The following CCDC7 variants were observed in gnomAD, a reference collection of about 807,000 sequenced individuals.
CCDC7 encodes coiled-coil domain containing 7, also known as coiled-coil domain-containing protein 7.
A neutral mutation model predicts 196.9 loss-of-function variants in CCDC7; 183 were observed. That is an observed-to-expected ratio of 0.93 (90% CI 0.82 to 1.05). CCDC7 has a LOEUF of 1.05. Ranked by LOEUF, CCDC7 falls within the 50% of genes least tolerant of loss-of-function variation. The pLI is 0.00. For missense variants in CCDC7, 1,540 were observed against 1,482.2 expected (o/e 1.04, Z -0.64); for synonymous variants, 525 against 484.6 (o/e 1.08, Z -1.10).
chr10:32,674,230 CT>C (rs1457599999), intron 21 of CCDC7, among the ~76,000 whole-genome samples: 2 of 151,356 alleles, frequency 1.3e-5, no homozygotes, highest in African/African-American at 4.9e-5. Flanking sequence ...ATCAACTTTC[CT>C]TATGGTACTG....
intron 5 of CCDC7, 74 bp downstream of exon 6, chr10:32,463,123 A>G: frequency 6.4e-7 from 1 of 1,566,512 alleles, no homozygotes; most frequent in African/African-American, 1.4e-5. Flanking sequence ...ATTATGTATA[A>G]GTTAAGTATG....
chr10:32,737,176 T>G (rs2085003032), intron 28 of CCDC7, among the ~76,000 whole-genome samples: 1 of 152,186 alleles, frequency 6.6e-6, no homozygotes. Context: ...TTTTTGAATA[T>G]TGCATGAATG....
intron 29 of CCDC7, among the ~76,000 whole-genome samples, chr10:32,780,063 C>A (rs980633097): frequency 9.2e-5 from 14 of 152,100 alleles, no homozygotes; most frequent in African/African-American, 3.4e-4. Flanking sequence ...ATGGTGAAAC[C>A]CCGTCTCTAC....
intron 21 of CCDC7, among the ~76,000 whole-genome samples, chr10:32,677,529 C>A (rs1197303783): frequency 4.6e-5 from 7 of 151,820 alleles, no homozygotes; most frequent in Admixed American, 2.0e-4. Context: ...TCATTCAGTA[C>A]TTTGAATATA....
At chr10:32,758,292 A>C (rs2076821529) in intron 28 of CCDC7, among the ~76,000 whole-genome samples, 1 of 152,192 alleles carries the variant, frequency 6.6e-6, no homozygotes, top group African/African-American at 2.4e-5. Flanking sequence ...GCAGAGACAC[A>C]ACAAAAAAAG....
intron 21 of CCDC7, among the ~76,000 whole-genome samples, chr10:32,666,290 A>G (rs966111573): frequency 6.6e-6 from 1 of 151,824 alleles, no homozygotes; most frequent in African/African-American, 2.4e-5. Flanking sequence ...CATTTACTGA[A>G]TTACTAATAA....
chr10:32,505,674 C>T (rs546275120), intron 9 of CCDC7, among the ~76,000 whole-genome samples: 13 of 152,180 alleles, frequency 8.5e-5, no homozygotes, highest in East Asian at 3.9e-4. Flanking sequence ...CATCATGGCC[C>T]GTTCTCGATG....
rs750557132 is a variant in CCDC7, at chr10:32,846,421, TA to T, written c.3653del (p.Lys1218ArgfsTer8). 4.4e-6 allele frequency: 7 copies of T among 1,597,204 alleles called. No homozygotes were observed. The highest frequency in any genetic ancestry group is 6.0e-6 in the Non-Finnish European group (7 of 1,168,386). The stretch of plus-strand genomic sequence containing the variant: ...AAAGATGCTATTGGAAGAGATATAA[TA>T]AAGGGACCAATCAGTGCACAATTAA... On this transcript the variant is annotated frameshift_variant, in exon 37 of 42. Coordinates refer to ENST00000639629, the Ensembl canonical transcript of CCDC7. LOFTEE classifies it high-confidence loss of function.
At chr10:32,741,769 G>T (rs554762226) in intron 28 of CCDC7, among the ~76,000 whole-genome samples, 2 of 152,020 alleles carry the variant, frequency 1.3e-5, no homozygotes, top group Non-Finnish European at 1.5e-5. Flanking sequence ...GAAAGAATAT[G>T]TTCAATTCTC....
chr10:32,513,075 G>A (rs549410367), intron 9 of CCDC7: 1 of 152,172 alleles, frequency 6.6e-6, no homozygotes, highest in South Asian at 2.1e-4. Context: ...CTACCCTCGG[G>A]AAAGGAGTAC....
At chr10:32,587,469 TG>T (rs1404278822) in intron 18 of CCDC7, among the ~76,000 whole-genome samples, 3 of 152,152 alleles carry the variant, frequency 2.0e-5, no homozygotes, top group Admixed American at 1.3e-4. Flanking sequence ...CCTACAATAA[TG>T]GCATTAATCT....
chr10:32,448,204 T>C (rs896117801), upstream of CCDC7, among the ~76,000 whole-genome samples: 11 of 152,154 alleles, frequency 7.2e-5, no homozygotes, highest in Admixed American at 7.2e-4. Flanking sequence ...ATTTTCGTTC[T>C]ATTGTTCACA....
At chr10:32,814,691 T>C (rs1048458631) in intron 31 of CCDC7, among the ~76,000 whole-genome samples, 1 of 152,232 alleles carries the variant, frequency 6.6e-6, no homozygotes, top group Non-Finnish European at 1.5e-5. Flanking sequence ...TAACAGATAG[T>C]AATTTTATTG....
At chr10:32,696,348 G>A (rs545780642) in intron 24 of CCDC7, among the ~76,000 whole-genome samples, 7 of 152,100 alleles carry the variant, frequency 4.6e-5, no homozygotes, top group South Asian at 4.2e-4. Context: ...GATCACAGTC[G>A]CCTGTGCACT....
chr10:32,555,480 G>A (rs149672560), intron 13 of CCDC7, among the ~76,000 whole-genome samples: 6,464 of 152,034 alleles, frequency 0.043, 461 homozygotes, highest in African/African-American at 0.15. Flanking sequence ...TCTTGACCTC[G>A]TGATCTGCCT....
intron 18 of CCDC7, among the ~76,000 whole-genome samples, chr10:32,590,322 TAAC>T (rs138928507): frequency 9.9e-5 from 15 of 151,586 alleles, no homozygotes; most frequent in South Asian, 4.2e-4. Flanking sequence ...ATTGCACAAA[TAAC>T]AACAACAACA....
chr10:32,779,070 T>G lies in CCDC7; in HGVS notation c.2999T>G (p.Leu1000Ter). The change falls in exon 29 of 42, where the codon TTA becomes TGA. Residue 1000 changes from leucine to a stop codon, truncating the protein, a stop_gained. Transcript: ENST00000639629. LOFTEE classifies it high-confidence loss of function. ...AGCGACCTAATAATTCAATTTGATT[T>G]AAACAAAGTGGTCGGTAAGTATAGA... 1 of 1,547,608 alleles carries G rather than the reference T, an allele frequency of 6.5e-7. No homozygotes were observed. The highest frequency in any genetic ancestry group is 8.7e-7 in the Non-Finnish European group (1 of 1,144,562).
downstream of CCDC7, among the ~76,000 whole-genome samples, chr10:32,878,381 G>A (rs116428620): frequency 6.4e-3 from 972 of 152,146 alleles, 14 homozygotes; most frequent in African/African-American, 0.023. Context: ...GCTTGAATAT[G>A]AACCAGTCAT....
chr10:32,846,427 G>C, exon 37 of CCDC7: 2 of 1,600,400 alleles, frequency 1.2e-6, no homozygotes, highest in South Asian at 2.2e-5. Context: ...ATAATAAAGG[G>C]ACCAATCAGT....
Sources: gnomAD v4.1 joint callset for allele counts (sites outside exome capture counted in the v4.1 genomes callset) on GRCh38, gnomAD v4.1.1 for gene constraint, MANE v1.5 for transcripts, NCBI Gene and HGNC (gene_info 2026-07-23, HGNC 2026-07-21) for gene names.